NRXN3: variants seen among roughly 807,000 people sequenced by gnomAD.
NRXN3 encodes the protein neurexin III.
A neutral mutation model predicts 137.6 loss-of-function variants in NRXN3; 32 were observed. The observed-to-expected ratio is 0.23, with a 90% CI of 0.18 to 0.31. The LOEUF is 0.31. Among genes scored for constraint, NRXN3 ranks in the 10% least tolerant of loss-of-function variants. The probability of loss-of-function intolerance (pLI) is 1.00; values close to 1 mark genes in which losing one functional copy is unlikely to be tolerated. For synonymous variants in NRXN3, 798 were observed against 784.5 expected (o/e 1.02, Z -0.29); for missense variants, 1,574 against 2,062.5 (o/e 0.76, Z 4.59).
chr14:78,880,024 G>T (rs1429276761), intron 10 of NRXN3, among the ~76,000 whole-genome samples: 1 of 141,404 alleles, frequency 7.1e-6, no homozygotes, highest in Non-Finnish European at 1.5e-5. Context: ...CGGATCACGA[G>T]GTCAGGAGAT....
rs1467616773 is a variant in NRXN3 at position 78,685,924 on chromosome 14, C to T, written c.1222-23293C>T. Among the ~76,000 whole-genome samples, 3 of 151,768 alleles carry T rather than the reference C, an allele frequency of 2.0e-5. No individual in the cohort carries two copies. In the East Asian group the frequency reaches 5.8e-4, roughly 30 times the overall value. On this transcript the variant is annotated intron_variant, in intron 6 of 20. Coordinates refer to ENST00000335750, the MANE Select transcript of NRXN3 (RefSeq NM_001330195.2). ...TCGGCCTCCCAAAGTGCTGGGATTACAGGCGTGTGCCACCGCACCCGGCCA... is the reference window on the plus strand; with the variant it reads ...TCGGCCTCCCAAAGTGCTGGGATTATAGGCGTGTGCCACCGCACCCGGCCA...
At chr14:79,860,687 T>C (rs2099412328) in intron 20 of NRXN3, among the ~76,000 whole-genome samples, 2 of 152,260 alleles carry the variant, frequency 1.3e-5, no homozygotes, top group African/African-American at 2.4e-5. Context: ...AATGTGTGCG[T>C]GTACCCACAC....
intron 8 of NRXN3, among the ~76,000 whole-genome samples, chr14:78,778,616 C>T (rs1251030495): frequency 6.6e-6 from 1 of 152,026 alleles, no homozygotes; most frequent in Non-Finnish European, 1.5e-5. Flanking sequence ...TGAATACGTT[C>T]TGAAACTTTA....
At chr14:78,180,824 GA>G (rs1393091213) in intron 1 of NRXN3, among the ~76,000 whole-genome samples, 1 of 152,222 alleles carries the variant, frequency 6.6e-6, no homozygotes, top group Admixed American at 6.5e-5. Flanking sequence ...CTCTGGTGGA[GA>G]AAAGCCTGTT....
At chr14:78,861,276 A>G (rs2099071667) in intron 10 of NRXN3, among the ~76,000 whole-genome samples, 1 of 152,176 alleles carries the variant, frequency 6.6e-6, no homozygotes, top group African/African-American at 2.4e-5. Flanking sequence ...AATTTGCATT[A>G]GCCAAACAGG....
intron 4 of NRXN3, among the ~76,000 whole-genome samples, chr14:78,360,095 G>A (rs910025229): frequency 2.0e-5 from 3 of 152,024 alleles, no homozygotes; most frequent in African/African-American, 2.4e-5. Context: ...AGCTTAGCTC[G>A]CAACACCCCA....
chr14:78,441,580 A>ATT (rs767656085), intron 4 of NRXN3, among the ~76,000 whole-genome samples: 4 of 132,652 alleles, frequency 3.0e-5, no homozygotes, highest in Admixed American at 1.5e-4. Flanking sequence ...CATTCATATT[A>ATT]TTTTTTTTTT....
chr14:79,703,221 C>G (rs1034259888), intron 19 of NRXN3, among the ~76,000 whole-genome samples: 12 of 152,126 alleles, frequency 7.9e-5, no homozygotes, highest in African/African-American at 2.9e-4. Context: ...CAGAAGGAAG[C>G]CACAATTTCT....
intron 15 of NRXN3, among the ~76,000 whole-genome samples, chr14:79,141,950 T>A (rs550147981): frequency 1.3e-5 from 2 of 152,324 alleles, no homozygotes; most frequent in African/African-American, 4.8e-5. Context: ...TCAGCCACCA[T>A]CAGCTTCTAT....
chr14:79,541,542 T>C lies in NRXN3; in HGVS notation c.3444+74140T>C, dbSNP rs547846558. Among the ~76,000 whole-genome samples the C allele has an allele frequency of 6.6e-5, 10 of 152,282 alleles. No individual in the cohort carries two copies. In the South Asian group the frequency reaches 2.1e-3, roughly 32 times the overall value. On this transcript the variant is annotated intron_variant, in intron 16 of 20. Transcript: ENST00000335750. ...ACACATTCATACATTCCATATCTTT[T>C]GGGGAGACACTATTTAACCCACTAC... is the stretch of plus-strand genomic sequence containing the variant.
At chr14:78,340,007 CATGGAG>C (rs1268623552) in intron 4 of NRXN3, among the ~76,000 whole-genome samples, 2 of 152,146 alleles carry the variant, frequency 1.3e-5, no homozygotes, top group Non-Finnish European at 2.9e-5. Flanking sequence ...AGCTGAAATT[CATGGAG>C]GCAAGAATGA....
At position 78,287,037 on chromosome 14, in the gene NRXN3, T is replaced by A. The variant is rs1243245369; in HGVS notation, c.727+8375T>A. On this transcript the variant is annotated intron_variant, in intron 3 of 20. Transcript: ENST00000335750. ...AAACTCTGGTATGCATCAGAATCACTTGGAGAGCTAATGAATGAGATCCAG... is the reference window on the plus strand; with the variant it reads ...AAACTCTGGTATGCATCAGAATCACATGGAGAGCTAATGAATGAGATCCAG... Among the ~76,000 whole-genome samples, 5 of 152,324 alleles carry A rather than the reference T, an allele frequency of 3.3e-5. No individual in the cohort carries two copies. The South Asian group carries it at 8.3e-4, about 25-fold the overall frequency.
At chr14:79,445,172 T>G (rs2096040383) in intron 15 of NRXN3, among the ~76,000 whole-genome samples, 1 of 151,826 alleles carries the variant, frequency 6.6e-6, no homozygotes, top group African/African-American at 2.4e-5. Context: ...AAACCCCGTC[T>G]CTACTAAAAA....
intron 10 of NRXN3, among the ~76,000 whole-genome samples, chr14:78,906,639 T>C (rs1048855741): frequency 1.3e-5 from 2 of 152,112 alleles, no homozygotes; most frequent in African/African-American, 4.8e-5. Flanking sequence ...TTTTTTTCCC[T>C]GATCCTAGGC....
chr14:78,583,979 T>C (rs917444326), intron 4 of NRXN3, among the ~76,000 whole-genome samples: 2 of 152,230 alleles, frequency 1.3e-5, no homozygotes, highest in East Asian at 3.8e-4. Flanking sequence ...ATGCATTTAC[T>C]TATCCAGTTC....
intron 15 of NRXN3, among the ~76,000 whole-genome samples, chr14:79,131,229 G>T (rs555200050): frequency 7.2e-5 from 11 of 152,264 alleles, no homozygotes; most frequent in Admixed American, 2.6e-4. Flanking sequence ...GAGGAACTGC[G>T]TTCCTTTGGA....
chr14:78,949,026 T>G (rs2099379250), intron 10 of NRXN3, among the ~76,000 whole-genome samples: 1 of 152,216 alleles, frequency 6.6e-6, no homozygotes, highest in Non-Finnish European at 1.5e-5. Flanking sequence ...CAAAACTAAA[T>G]GAGACCACGT....
chr14:78,487,371 C>T (rs1052396465), intron 4 of NRXN3, among the ~76,000 whole-genome samples: 1 of 152,124 alleles, frequency 6.6e-6, no homozygotes, highest in Non-Finnish European at 1.5e-5. Flanking sequence ...ATGGCTTTAT[C>T]TCTGGGGGAT....
rs74067512 is a variant in NRXN3, at chr14:78,706,972, G to A, written c.1222-2245G>A. ...CAATTAACTTTGTCTCACAGATATG[G>A]ACAGATGAGGCTTATTTTAGAAATT... is the stretch of plus-strand genomic sequence containing the variant. On this transcript the variant is annotated intron_variant, in intron 6 of 20. Transcript: ENST00000335750. 1.7e-3 allele frequency among the ~76,000 whole-genome samples: 265 copies of A among 152,198 alleles called. 2 individuals are homozygous for A. Among genetic ancestry groups the A allele is most frequent in the African/African-American group, 6.2e-3 (257 of 41,514 alleles).
Sources: gnomAD v4.1 joint callset for allele counts (sites outside exome capture counted in the v4.1 genomes callset) on GRCh38, gnomAD v4.1.1 for gene constraint, MANE v1.5 for transcripts, NCBI Gene and HGNC (gene_info 2026-07-23, HGNC 2026-07-21) for gene names.